FCN2: variants seen among roughly 807,000 people sequenced by gnomAD.
The protein encoded by FCN2 is ficolin 2.
A neutral mutation model predicts 32.5 loss-of-function variants in FCN2; 31 were observed. That is an observed-to-expected ratio of 0.96 (90% CI 0.72 to 1.29). The LOEUF is 1.29. Ranked by LOEUF, FCN2 falls within the 50% of genes most tolerant of loss-of-function variation. The pLI, the probability that FCN2 is intolerant of heterozygous loss-of-function variation, is 0.00. For missense variants in FCN2, 412 were observed against 406.5 expected, an observed-to-expected ratio of 1.01 and a Z score of -0.12; for synonymous variants, 181 against 164.5, an observed-to-expected ratio of 1.10 and a Z score of -0.77.
chr9:134,882,753 A>G, intron 2 of FCN2, 114 bp downstream of exon 2: 1 of 705,576 alleles, frequency 1.4e-6, no homozygotes, highest in Non-Finnish European at 2.4e-6. Flanking sequence ...AGGCCCCTGC[A>G]AGAGCCAGGA....
the FCN2 span, among the ~76,000 whole-genome samples, chr9:134,872,755 C>T: frequency 6.6e-6 from 1 of 152,136 alleles, no homozygotes; most frequent in African/African-American, 2.4e-5. Flanking sequence ...CTACCGGGTC[C>T]CTCCCATGAC....
At chr9:134,865,012 C>T in the FCN2 span, among the ~76,000 whole-genome samples, 18 of 152,296 alleles carry the variant, frequency 1.2e-4, no homozygotes, top group Admixed American at 7.8e-4. Flanking sequence ...AGGCAGTGGG[C>T]GTACAGGGCG....
intron 5 of FCN2, 141 bp from the exon 6 acceptor site, chr9:134,885,627 G>A (rs77254375): frequency 1.1e-5 from 13 of 1,213,226 alleles, no homozygotes; most frequent in East Asian, 9.9e-5. Flanking sequence ...TGGAGTCTGT[G>A]AGGAGAACAG....
Position 134,885,892 on chromosome 9 carries a change from C to T in FCN2, c.554C>T (p.Ala185Val). The T allele has an allele frequency of 1.2e-6, 2 of 1,612,710 alleles. No homozygotes were observed. Among genetic ancestry groups the T allele is most frequent in the Admixed American group, 1.7e-5 (1 of 59,938 alleles). ...LGNDNIHALT[A>V]QGTSELRVDL... ...AATGACAACATCCACGCCCTGACCGCCCAGGGTAGGGCCGCTGCTGGGGCT... is the reference window on the plus strand; with the variant it reads ...AATGACAACATCCACGCCCTGACCGTCCAGGGTAGGGCCGCTGCTGGGGCT... The change falls in exon 6 of 8, where the codon GCC becomes GTC. Residue 185 changes from alanine (A) to valine (V), a missense_variant. Coordinates refer to ENST00000291744, the MANE Select transcript of FCN2 (RefSeq NM_004108.3).
intron 1 of FCN2, among the ~76,000 whole-genome samples, 157 bp from the exon 2 acceptor site, chr9:134,882,369 G>C (rs1830676156): frequency 6.6e-6 from 1 of 152,248 alleles, no homozygotes; most frequent in Non-Finnish European, 1.5e-5. Flanking sequence ...CCTTCCAGGT[G>C]ACCCTCCAGC....
At chr9:134,879,294 A>AT (rs1385718372), upstream of FCN2, among the ~76,000 whole-genome samples, 2 of 152,154 alleles carry the variant, frequency 1.3e-5, no homozygotes, top group Admixed American at 6.6e-5. Flanking sequence ...TAAATAGCAT[A>AT]TTTTTTTAGA....
Position 134,887,282 on chromosome 9 carries a change from G to A in FCN2, c.809G>A (p.Cys270Tyr), listed in dbSNP as rs1311293017. Residue 270 changes from cysteine (C) to tyrosine (Y), a missense_variant, in exon 8 of 8, where the codon TGC becomes TAC. Transcript: ENST00000291744. ...CAGGGAGCTTGGTGGTACAAAAACT[G>A]CCATGTGTCAAACCTGAATGGTCGC... is the stretch of plus-strand genomic sequence containing the variant. ...MFQGAWWYKN[C>Y]HVSNLNGRYL... The A allele has an allele frequency of 1.2e-6, 2 of 1,614,178 alleles. No individual in the cohort carries two copies. The highest frequency in any genetic ancestry group is 3.3e-5 in the Admixed American group (2 of 60,018).
chr9:134,870,284 C>T, the FCN2 span, among the ~76,000 whole-genome samples: 7 of 152,310 alleles, frequency 4.6e-5, no homozygotes, highest in African/African-American at 7.2e-5. This position sits in a 1 kb window ranked among gnomAD's most constrained non-coding sequence, Gnocchi z 4.3. Flanking sequence ...GTTCCGACTC[C>T]GCTGCCTGGA....
At position 134,887,340 on chromosome 9, in the gene FCN2, T is replaced by A. The variant is rs759715943; in HGVS notation, c.867T>A (p.Asn289Lys). The A allele has an allele frequency of 1.2e-6, 2 of 1,613,876 alleles. No individual in the cohort carries two copies. Among genetic ancestry groups the A allele is most frequent in the Admixed American group, 1.7e-5 (1 of 59,992 alleles). ...GGGGGACTCATGGCAGCTTTGCAAA[T>A]GGCATCAACTGGAAGTCGGGGAAAG... The part of the protein sequence containing the change: ...YLRGTHGSFA[N>K]GINWKSGKGY... The change falls in exon 8 of 8, where the codon AAT becomes AAA. Residue 289 changes from asparagine to lysine, a missense_variant. Coordinates refer to ENST00000291744, the MANE Select transcript of FCN2 (RefSeq NM_004108.3).
chr9:134,879,976 C>T (rs574202733), upstream of FCN2, among the ~76,000 whole-genome samples: 89 of 152,236 alleles, frequency 5.8e-4, no homozygotes, highest in African/African-American at 1.6e-3. Flanking sequence ...GAGAGTGCAC[C>T]TTCAGGCCAG....
In FCN2 at chr9:134,886,558, A is replaced by G; in HGVS notation, c.688A>G (p.Ser230Gly). ...GGTCCTGGGGGCCTTCGTGGAGGGC[A>G]GTGCGGGTGAGTGTCTGCTTGGGGC... is the stretch of plus-strand genomic sequence containing the variant. ...NLVLGAFVEG[S>G]AGDSLTFHNN... Residue 230 changes from serine to glycine, a missense_variant, in exon 7 of 8, where the codon AGT becomes GGT. By Grantham distance (56) the Ser-to-Gly change is moderately conservative. Coordinates refer to ENST00000291744, the MANE Select transcript of FCN2 (RefSeq NM_004108.3). The G allele has an allele frequency of 6.2e-7, 1 of 1,613,972 alleles. No homozygotes were observed.
chr9:134,880,630 C>T (rs186730081), upstream of FCN2, among the ~76,000 whole-genome samples: 4 of 152,256 alleles, frequency 2.6e-5, no homozygotes, highest in East Asian at 1.9e-4. Context: ...GGATGACAGT[C>T]GCCATGGGAT....
At position 134,882,457 on chromosome 9, in the gene FCN2, G is replaced by T. The variant is rs528898397; in HGVS notation, c.101-69G>T. On this transcript the variant is annotated intron_variant, in intron 1 of 7. Coordinates refer to ENST00000291744, the MANE Select transcript of FCN2 (RefSeq NM_004108.3). ...ATGGCAGATGCCTTTCAGTTGAGTG[G>T]TATATCTATGGCTCAGTGGAGTCTT... 9.4e-5 allele frequency: 118 copies of T among 1,255,736 alleles called. 1 individual carries two copies. In the East Asian group the frequency reaches 2.3e-3, roughly 25 times the overall value. 77.8% of individuals were successfully genotyped at this position (1,255,736 alleles called of 1,614,324 possible).
the FCN2 span, among the ~76,000 whole-genome samples, chr9:134,872,479 T>TACA: frequency 6.6e-6 from 1 of 152,214 alleles, no homozygotes; most frequent in Admixed American, 6.5e-5. Context: ...ACGATAGGTG[T>TACA]ATTAGCCCGT....
chr9:134,867,972 C>T, the FCN2 span, among the ~76,000 whole-genome samples: 2 of 152,194 alleles, frequency 1.3e-5, no homozygotes, highest in Non-Finnish European at 2.9e-5. Context: ...CCAACCCTGG[C>T]CACAACCTTG....
chr9:134,869,101 C>T, the FCN2 span, among the ~76,000 whole-genome samples: 1 of 152,200 alleles, frequency 6.6e-6, no homozygotes. Context: ...CACTCAGAGC[C>T]ACCTGACCCC....
intron 4 of FCN2, 38 bp downstream of exon 4, chr9:134,884,810 G>A: frequency 6.2e-7 from 1 of 1,602,644 alleles, no homozygotes; most frequent in Non-Finnish European, 8.5e-7. Flanking sequence ...ACGGCTTGTG[G>A]CTGCCCTTGG....
At chr9:134,881,000 C>T (rs1830655540) in intron 1 of FCN2, 79 bp downstream of exon 1, 1 of 1,007,698 alleles carries the variant, frequency 9.9e-7, no homozygotes, top group Non-Finnish European at 1.5e-6. Context: ...GGCTTCCTGG[C>T]TTCCAGGCCT....
chr9:134,867,888 G>A, the FCN2 span, among the ~76,000 whole-genome samples: 1 of 152,150 alleles, frequency 6.6e-6, no homozygotes, highest in South Asian at 2.1e-4. Context: ...GTTATTGAAA[G>A]TGCCCACTGT....
Sources: gnomAD v4.1 joint callset for allele counts (sites outside exome capture counted in the v4.1 genomes callset) on GRCh38, gnomAD v4.1.1 for gene constraint, Gnocchi (gnomAD v3.1) non-coding constraint, MANE v1.5 for transcripts, NCBI Gene and HGNC (gene_info 2026-07-23, HGNC 2026-07-21) for gene names.